The following SPTB variants were observed in gnomAD, a reference collection of about 807,000 sequenced individuals.
The protein encoded by SPTB is spectrin beta chain, erythrocytic.
Under a neutral mutation model 256.2 loss-of-function variants are expected in SPTB, and 45 were observed. The ratio of observed to expected loss-of-function variants is 0.18; its 90% CI spans 0.14 to 0.23. The LOEUF is 0.23. SPTB is among the 10% of genes least tolerant of loss of function. The pLI, the probability that SPTB is intolerant of heterozygous loss-of-function variation, is 1.00. For missense variants in SPTB, 2,715 were observed against 3,040.4 expected (o/e 0.89, Z 2.52); for synonymous variants, 1,231 against 1,243.1 (o/e 0.99, Z 0.21).
At chr14:64,850,071 T>C (rs915454637) in intron 1 of SPTB, among the ~76,000 whole-genome samples, 4 of 152,306 alleles carry the variant, frequency 2.6e-5, no homozygotes, top group African/African-American at 9.6e-5. Context: ...CAAACTAGAA[T>C]ATGTGACAGA....
chr14:64,868,568 T>C (rs1446523613), intron 1 of SPTB, among the ~76,000 whole-genome samples: 2 of 152,062 alleles, frequency 1.3e-5, no homozygotes, highest in African/African-American at 4.8e-5. Context: ...TCAGACCTAT[T>C]GGCAATCCCA....
chr14:64,762,316 G>A (rs959948870), intron 32 of SPTB, among the ~76,000 whole-genome samples: 4 of 152,234 alleles, frequency 2.6e-5, no homozygotes, highest in Non-Finnish European at 4.4e-5. Flanking sequence ...TTGTTCAGGC[G>A]AGAAGAAACA....
chr14:64,855,724 C>T (rs2083862752), intron 1 of SPTB, among the ~76,000 whole-genome samples: 1 of 152,344 alleles, frequency 6.6e-6, no homozygotes, highest in East Asian at 1.9e-4. Flanking sequence ...AATAAATATA[C>T]AGCAGAGAAA....
chr14:64,816,562 A>G lies in SPTB; in HGVS notation c.148+6385T>C, dbSNP rs2083194006. On this transcript the variant is annotated intron_variant, in intron 2 of 35. Transcript: ENST00000644917. This position sits in a 1 kb window ranked among gnomAD's most constrained non-coding sequence, Gnocchi z 4.2. ...CATAGCAAATTTGTCATAATTTGCTATGCACGTGTGTCTATGCACATAGAC... is the reference window on the plus strand; with the variant it reads ...CATAGCAAATTTGTCATAATTTGCTGTGCACGTGTGTCTATGCACATAGAC... 6.6e-6 allele frequency among the ~76,000 whole-genome samples: 1 copy of G among 152,180 alleles called. No individual in the cohort carries two copies. Among genetic ancestry groups the G allele is most frequent in the Non-Finnish European group, 1.5e-5 (1 of 68,030 alleles).
At chr14:64,767,613 G>C in intron 30 of SPTB, 50 bp downstream of exon 30, 2 of 1,607,790 alleles carry the variant, frequency 1.2e-6, no homozygotes, top group South Asian at 2.2e-5. Context: ...GAGACCCCTG[G>C]GGGCACAGTT....
chr14:64,785,954 G>A lies in SPTB; in HGVS notation c.3562-3C>T, dbSNP rs369394268. On this transcript the variant is annotated splice_polypyrimidine_tract_variant and splice_region_variant and intron_variant, in intron 16 of 35. Transcript: ENST00000644917. The surrounding 1 kb of genome is among the most constrained non-coding windows in gnomAD (Gnocchi z 4.4). Reference sequence around the variant, plus strand: ...TCCAAGTGAGCCAGAGTGTATTCCTGTTGGAACAAGTTTCCAGACAAGGCA... The same window carrying A: ...TCCAAGTGAGCCAGAGTGTATTCCTATTGGAACAAGTTTCCAGACAAGGCA... 1.2e-6 allele frequency: 2 copies of A among 1,613,808 alleles called. No individual in the cohort carries two copies. The highest frequency in any genetic ancestry group is 1.3e-5 in the African/African-American group (1 of 74,888).
intron 1 of SPTB, among the ~76,000 whole-genome samples, chr14:64,834,108 C>A (rs2083486940): frequency 6.6e-6 from 1 of 150,816 alleles, no homozygotes; most frequent in Non-Finnish European, 1.5e-5. Flanking sequence ...CTCACTGCAA[C>A]CTCCGCCTTC....
At chr14:64,801,172 C>T in intron 7 of SPTB, 113 bp downstream of exon 7, 1 of 887,800 alleles carries the variant, frequency 1.1e-6, no homozygotes, top group Non-Finnish European at 1.8e-6. Flanking sequence ...GTGCCCACAG[C>T]TTGCCCAGCA....
In SPTB at chr14:64,775,303, A is replaced by G. The variant is rs1307153504; in HGVS notation, c.4664T>C (p.Leu1555Pro). 2 of 1,613,210 alleles carry G rather than the reference A, an allele frequency of 1.2e-6. No homozygotes were observed. Among genetic ancestry groups the G allele is most frequent in the East Asian group, 4.5e-5 (2 of 44,882 alleles). ...VEAAEIDCQD[L>P]EERLGHLQSS... is the part of the protein sequence containing the mutation. ...CTGCAGGTGCCCCAGGCGCTCCTCA[A>G]GGTCCTGGCAGTCGATCTCCGCCGC... The change falls in exon 23 of 36, where the codon CTT becomes CCT. Residue 1555 changes from leucine (L) to proline (P), a missense_variant. This residue lies in a region of SPTB where 2,239 missense variants were observed against 2,384.4 expected (regional missense o/e 0.94). Coordinates refer to ENST00000644917, the MANE Select transcript of SPTB (RefSeq NM_001355436.2). This position sits in a 1 kb window ranked among gnomAD's most constrained non-coding sequence, Gnocchi z 5.0.
In SPTB at chr14:64,785,682, CAAGCTTGGGGTCCTCACT is replaced by C. The variant is rs766896929; in HGVS notation, c.3764+49_3765-56del. The C allele has an allele frequency of 6.2e-6, 10 of 1,613,552 alleles. No individual in the cohort carries two copies. Among genetic ancestry groups the C allele is most frequent in the South Asian group, 4.4e-5 (4 of 91,052 alleles). On this transcript the variant is annotated intron_variant, in intron 17 of 35. Transcript: ENST00000644917. This position sits in a 1 kb window ranked among gnomAD's most constrained non-coding sequence, Gnocchi z 4.4. ...ATAGTGCCGAGCTTGGGGTCCTCAC[CAAGCTTGGGGTCCTCACT>C]ACCCCCGTGTGGCTCTGGGGGCCTC... is the stretch of plus-strand genomic sequence containing the variant.
Position 64,785,927 on chromosome 14 carries a change from G to A in SPTB, c.3586C>T (p.Pro1196Ser). ...TCTGCAGCTTCCAGGGAGTCTGGGG[G>A]CTCCAAGTGAGCCAGAGTGTATTCC... ...NQEYTLAHLE[P>S]PDSLEAAEAG... Residue 1196 changes from proline (P) to serine (S), a missense_variant, in exon 17 of 36, where the codon CCC (proline) becomes TCC (serine). Around this residue, in one of 4 missense-constraint regions of SPTB, gnomAD observed 2,239 missense variants for 2,384.4 expected, o/e 0.94. Coordinates refer to ENST00000644917, the MANE Select transcript of SPTB (RefSeq NM_001355436.2). The surrounding 1 kb of genome is among the most constrained non-coding windows in gnomAD (Gnocchi z 4.4). The A allele has an allele frequency of 6.2e-7, 1 of 1,614,098 alleles. No individual in the cohort carries two copies. The highest frequency in any genetic ancestry group is 8.5e-7 in the Non-Finnish European group (1 of 1,180,030).
rs1308584898 is a variant in SPTB at position 64,806,756 on chromosome 14, G to A, written c.149-1666C>T. Among the ~76,000 whole-genome samples, 2 of 152,162 alleles carry A rather than the reference G, an allele frequency of 1.3e-5. No individual in the cohort carries two copies. Among genetic ancestry groups the A allele is most frequent in the African/African-American group, 4.8e-5 (2 of 41,444 alleles). On this transcript the variant is annotated intron_variant, in intron 2 of 35. Transcript: ENST00000644917. The surrounding 1 kb of genome is among the most constrained non-coding windows in gnomAD (Gnocchi z 4.1). ...CAAGACTGATGGTCCCTATCCTTGA[G>A]GCAGACAGACTCTATTATAAATATG...
chr14:64,771,224 C>G (rs2082274389), intron 26 of SPTB, 95 bp from the exon 27 acceptor site: 2 of 1,579,344 alleles, frequency 1.3e-6, no homozygotes, highest in Admixed American at 3.3e-5. Flanking sequence ...CTCCTGGCCT[C>G]CCTGCCCAGG....
rs540120904 is a variant in SPTB at position 64,807,192 on chromosome 14, G to T, written c.149-2102C>A. Among the ~76,000 whole-genome samples, 9 of 152,336 alleles carry T rather than the reference G, an allele frequency of 5.9e-5. No individual in the cohort carries two copies. Among genetic ancestry groups the T allele is most frequent in the African/African-American group, 2.2e-4 (9 of 41,574 alleles). The stretch of plus-strand genomic sequence containing the variant: ...GGTGTGGAGCCTCTGACTAAGGGGG[G>T]TGAAAGTTTTAGCCCCTTTAGAGGT... On this transcript the variant is annotated intron_variant, in intron 2 of 35. Transcript: ENST00000644917. This position sits in a 1 kb window ranked among gnomAD's most constrained non-coding sequence, Gnocchi z 4.7.
rs2082548376 is a variant in SPTB at position 64,785,531 on chromosome 14, C to T, written c.3855+6G>A. On this transcript the variant is annotated splice_donor_region_variant and intron_variant, in intron 18 of 35. Coordinates refer to ENST00000644917, the MANE Select transcript of SPTB (RefSeq NM_001355436.2). The surrounding 1 kb of genome is among the most constrained non-coding windows in gnomAD (Gnocchi z 4.4). Reference sequence around the variant, plus strand: ...GGAAAGCAGCCACTCCTTGCTGGAGCCTCACCTCCTGGCAGTTCTGGAGGA... The same window carrying T: ...GGAAAGCAGCCACTCCTTGCTGGAGTCTCACCTCCTGGCAGTTCTGGAGGA... The T allele has an allele frequency of 6.2e-7, 1 of 1,610,738 alleles. No individual in the cohort carries two copies. The highest frequency in any genetic ancestry group is 1.1e-5 in the South Asian group (1 of 90,412).
At chr14:64,766,564 C>T (rs229601) in intron 32 of SPTB, 162 bp downstream of exon 32, 27 of 1,577,734 alleles carry the variant, frequency 1.7e-5, no homozygotes, top group East Asian at 6.8e-5. Flanking sequence ...TCAGTGAGGA[C>T]GTAGCCTGCT....
rs12437062 is a variant in SPTB at position 64,807,902 on chromosome 14, C to G, written c.149-2812G>C. Among the ~76,000 whole-genome samples the G allele has an allele frequency of 4.4e-3, 672 of 152,368 alleles. 3 individuals are homozygous for G. Among genetic ancestry groups the G allele is most frequent in the East Asian group, 0.017 (88 of 5,184 alleles). On this transcript the variant is annotated intron_variant, in intron 2 of 35. Coordinates refer to ENST00000644917, the MANE Select transcript of SPTB (RefSeq NM_001355436.2). The surrounding 1 kb of genome is among the most constrained non-coding windows in gnomAD (Gnocchi z 4.7). Reference sequence around the variant, plus strand: ...GGCCTCAGCACAGCCCTGCCAGGAGCCAGGCCTTATTTCCAGAGCCCTAAC... The same window carrying G: ...GGCCTCAGCACAGCCCTGCCAGGAGGCAGGCCTTATTTCCAGAGCCCTAAC...
At position 64,772,973 on chromosome 14, in the gene SPTB, G is replaced by C. The variant is rs2082301383; in HGVS notation, c.5179-19C>G. 8.2e-6 allele frequency: 13 copies of C among 1,595,052 alleles called. No individual in the cohort carries two copies. Among genetic ancestry groups the C allele is most frequent in the Non-Finnish European group, 1.1e-5 (13 of 1,172,662 alleles). ...GCAGAAGCTAGGCATGGGGCAGACA[G>C]AAATGTGGTTATGGGGGGCACAGGG... On this transcript the variant is annotated intron_variant, in intron 25 of 35. Transcript: ENST00000644917. The surrounding 1 kb of genome is among the most constrained non-coding windows in gnomAD (Gnocchi z 5.4).
intron 15 of SPTB, among the ~76,000 whole-genome samples, chr14:64,791,291 G>A (rs371316343): frequency 1.8e-4 from 27 of 152,268 alleles, no homozygotes; most frequent in African/African-American, 5.5e-4. Context: ...TGTCGGTGGG[G>A]GCGCGGTGGC....
Sources: allele counts gnomAD v4.1 joint callset (sites outside exome capture counted in the v4.1 genomes callset), GRCh38; gene constraint gnomAD v4.1.1; regional missense constraint gnomAD v4.1.1; non-coding constraint Gnocchi (gnomAD v3.1); transcripts MANE v1.5; gene names NCBI Gene and HGNC (gene_info 2026-07-23, HGNC 2026-07-21).